ATP10B: variants seen among roughly 807,000 people sequenced by gnomAD.
ATP10B encodes the protein phospholipid-transporting ATPase VB.
In ATP10B, 122 loss-of-function variants were observed where a neutral mutation model predicts 141.2. The observed-to-expected ratio is 0.86, with a 90% confidence interval of 0.75 to 1.00. The LOEUF (loss-of-function observed/expected upper bound fraction) is 1.00. Among genes scored for constraint, ATP10B ranks in the 50% least tolerant of loss-of-function variants. The probability of loss-of-function intolerance (pLI) is 0.00; values close to 1 mark genes in which losing one functional copy is unlikely to be tolerated. For synonymous variants in ATP10B, 685 were observed against 692.0 expected (o/e 0.99, Z 0.16); for missense variants, 1,876 against 1,825.3 (o/e 1.03, Z -0.51).
chr5:160,690,446 C>T (rs1365554836), intron 3 of ATP10B, among the ~76,000 whole-genome samples: 1 of 152,114 alleles, frequency 6.6e-6, no homozygotes, highest in Non-Finnish European at 1.5e-5. Flanking sequence ...AAAATTTTTG[C>T]AATCTATGCA....
intron 7 of ATP10B, among the ~76,000 whole-genome samples, chr5:160,662,233 T>C (rs1321518554): frequency 1.3e-5 from 2 of 152,092 alleles, no homozygotes; most frequent in African/African-American, 2.4e-5. Flanking sequence ...AGGTAATTTA[T>C]AGATTCAATG....
In ATP10B at chr5:160,564,343, T is replaced by A. The variant is rs1402364472; in HGVS notation, c.*1110A>T. The A allele has an allele frequency of 6.6e-6, 1 of 152,204 alleles. No individual in the cohort carries two copies. Among genetic ancestry groups the A allele is most frequent in the African/African-American group, 2.4e-5 (1 of 41,458 alleles). 9.4% of individuals were successfully genotyped at this position (152,204 alleles called of 1,614,324 possible). Reference sequence around the variant, plus strand: ...GAGCTTTTTTTATATAGTTGACATTTATAAACTCTAGGGATAGGAAGTCTA... The same window carrying A: ...GAGCTTTTTTTATATAGTTGACATTAATAAACTCTAGGGATAGGAAGTCTA... On this transcript the variant is annotated 3_prime_UTR_variant, in exon 26 of 26. Coordinates refer to ENST00000327245, the MANE Select transcript of ATP10B (RefSeq NM_025153.3).
chr5:160,651,988 T>C (rs544702174), intron 7 of ATP10B, among the ~76,000 whole-genome samples: 1 of 152,274 alleles, frequency 6.6e-6, no homozygotes, highest in South Asian at 2.1e-4. Flanking sequence ...ATTTCAGATA[T>C]GACTGGCAGT....
At chr5:160,919,428 G>C in the ATP10B span, among the ~76,000 whole-genome samples, 4 of 152,054 alleles carry the variant, frequency 2.6e-5, no homozygotes, top group Non-Finnish European at 4.4e-5. Context: ...ACTCAATCCA[G>C]TGGGAAGGAC....
At chr5:160,847,676 T>G (rs1343944672) in intron 1 of ATP10B, among the ~76,000 whole-genome samples, 1 of 152,216 alleles carries the variant, frequency 6.6e-6, no homozygotes, top group Non-Finnish European at 1.5e-5. Flanking sequence ...TCAGAATTTC[T>G]TATTATTGTG....
At chr5:160,779,936 T>C (rs1301862022) in intron 2 of ATP10B, among the ~76,000 whole-genome samples, 1 of 152,228 alleles carries the variant, frequency 6.6e-6, no homozygotes, top group African/African-American at 2.4e-5. Flanking sequence ...TATTTTCTCC[T>C]GGTGAATCCA....
At chr5:160,870,228 C>T in the ATP10B span, among the ~76,000 whole-genome samples, 3 of 152,098 alleles carry the variant, frequency 2.0e-5, no homozygotes, top group African/African-American at 7.2e-5. Flanking sequence ...GGCATAGGCT[C>T]GCTAAAAGAC....
At chr5:160,686,011 C>T (rs1053901572) in intron 6 of ATP10B, 68 bp downstream of exon 6, 2 of 1,201,584 alleles carry the variant, frequency 1.7e-6, no homozygotes, top group African/African-American at 3.0e-5. Flanking sequence ...AGAGACTCAT[C>T]CTGAGGCTAT....
intron 2 of ATP10B, among the ~76,000 whole-genome samples, chr5:160,727,245 T>C (rs1451467028): frequency 1.3e-5 from 2 of 152,326 alleles, no homozygotes; most frequent in African/African-American, 2.4e-5. Context: ...CGCCGATCCC[T>C]ACAAACACCA....
At chr5:160,917,962 T>A in the ATP10B span, among the ~76,000 whole-genome samples, 3 of 152,166 alleles carry the variant, frequency 2.0e-5, no homozygotes, top group African/African-American at 7.2e-5. Context: ...TCCAGGCAAG[T>A]CCCTGAGATG....
At chr5:160,681,587 G>A (rs1346724800) in intron 6 of ATP10B, among the ~76,000 whole-genome samples, 1 of 152,104 alleles carries the variant, frequency 6.6e-6, no homozygotes, top group East Asian at 1.9e-4. Context: ...ACCAGCCTGG[G>A]CAACGTACCA....
intron 24 of ATP10B, among the ~76,000 whole-genome samples, chr5:160,576,809 T>C (rs1025071808): frequency 6.6e-6 from 1 of 152,206 alleles, no homozygotes; most frequent in African/African-American, 2.4e-5. Flanking sequence ...TCACTGGTGA[T>C]GCCAGGGGGC....
intron 18 of ATP10B, among the ~76,000 whole-genome samples, chr5:160,609,432 G>A (rs1581195458): frequency 6.6e-6 from 1 of 151,250 alleles, no homozygotes; most frequent in Non-Finnish European, 1.5e-5. Flanking sequence ...AGGCTGGAGT[G>A]CAGTGGCATA....
chr5:160,766,831 GTTTTC>G (rs1769480027), intron 2 of ATP10B, among the ~76,000 whole-genome samples: 1 of 152,100 alleles, frequency 6.6e-6, no homozygotes, highest in African/African-American at 2.4e-5. Context: ...AAAATATTAC[GTTTTC>G]TTTATTTTTC....
intron 8 of ATP10B, among the ~76,000 whole-genome samples, chr5:160,647,998 C>T (rs1760414590): frequency 6.6e-6 from 1 of 152,172 alleles, no homozygotes; most frequent in African/African-American, 2.4e-5. Flanking sequence ...ATTGGTGTAA[C>T]ATGGCTGAGC....
At chr5:160,647,668 A>G (rs1760393041) in intron 8 of ATP10B, among the ~76,000 whole-genome samples, 1 of 152,190 alleles carries the variant, frequency 6.6e-6, no homozygotes, top group South Asian at 2.1e-4. Context: ...TCAAGGCGTG[A>G]GGGATTTGGG....
chr5:160,860,048 G>A, the ATP10B span, among the ~76,000 whole-genome samples: 6 of 151,682 alleles, frequency 4.0e-5, no homozygotes, highest in South Asian at 2.1e-4. Context: ...ATAAAACAAC[G>A]TACAAAGCCA....
intron 3 of ATP10B, among the ~76,000 whole-genome samples, chr5:160,715,918 C>G (rs1374512818): frequency 6.6e-6 from 1 of 151,948 alleles, no homozygotes. Context: ...ACCATCTTGG[C>G]CAGGCTGGTC....
intron 7 of ATP10B, among the ~76,000 whole-genome samples, chr5:160,661,218 C>T (rs1761888075): frequency 6.6e-6 from 1 of 151,360 alleles, no homozygotes; most frequent in South Asian, 2.1e-4. Flanking sequence ...ACAACAACTA[C>T]AACAACAAGA....
Sources: gnomAD v4.1 joint callset for allele counts (sites outside exome capture counted in the v4.1 genomes callset) on GRCh38, gnomAD v4.1.1 for gene constraint, MANE v1.5 for transcripts, NCBI Gene and HGNC (gene_info 2026-07-23, HGNC 2026-07-21) for gene names.